FGGY: variants seen among roughly 807,000 people sequenced by gnomAD.
FGGY encodes the protein FGGY carbohydrate kinase domain containing.
FGGY carries 72 observed loss-of-function variants against 71.3 expected under a neutral mutation model. The ratio of observed to expected loss-of-function variants is 1.01; its 90% CI spans 0.84 to 1.23. FGGY has a LOEUF of 1.23. Ranked by LOEUF, FGGY falls within the 50% of genes most tolerant of loss-of-function variation. The pLI is 0.00. For synonymous variants in FGGY, 251 were observed against 250.3 expected (o/e 1.00, Z -0.02); for missense variants, 668 against 682.3 (o/e 0.98, Z 0.23).
intron 5 of FGGY, among the ~76,000 whole-genome samples, chr1:59,440,480 A>G (rs1230333878): frequency 2.0e-5 from 3 of 152,016 alleles, no homozygotes; most frequent in Non-Finnish European, 2.9e-5. Context: ...TTGCAAAGGT[A>G]GAGCTTCAGT....
At chr1:59,679,113 G>A (rs536334285) in intron 14 of FGGY, among the ~76,000 whole-genome samples, 6 of 152,296 alleles carry the variant, frequency 3.9e-5, no homozygotes, top group South Asian at 2.1e-4. Context: ...CATGCTGACC[G>A]CAGTGGTCTA....
intron 7 of FGGY, among the ~76,000 whole-genome samples, chr1:59,530,568 A>G (rs2095114800): frequency 6.6e-6 from 1 of 152,210 alleles, no homozygotes; most frequent in South Asian, 2.1e-4. Flanking sequence ...GCAAGTTAGT[A>G]AAATTCCCTC....
intron 14 of FGGY, among the ~76,000 whole-genome samples, chr1:59,699,755 T>A (rs190801909): frequency 1.3e-5 from 2 of 152,236 alleles, no homozygotes; most frequent in Non-Finnish European, 2.9e-5. Flanking sequence ...TCGTTCTTAT[T>A]TGCAACAGTT....
chr1:59,392,436 C>A (rs1323213737), intron 5 of FGGY, among the ~76,000 whole-genome samples: 2 of 152,070 alleles, frequency 1.3e-5, no homozygotes, highest in African/African-American at 2.4e-5. Context: ...TAACTTGGGG[C>A]CCCTGGCACC....
intron 5 of FGGY, among the ~76,000 whole-genome samples, chr1:59,406,255 C>G (rs916283403): frequency 1.3e-5 from 2 of 151,582 alleles, no homozygotes; most frequent in Non-Finnish European, 2.9e-5. Flanking sequence ...CTGAGTCTCT[C>G]GTCATGCGTG....
At chr1:59,445,039 A>G (rs867971764) in intron 5 of FGGY, among the ~76,000 whole-genome samples, 1 of 152,138 alleles carries the variant, frequency 6.6e-6, no homozygotes, top group Non-Finnish European at 1.5e-5. Flanking sequence ...TGAGCTCTTC[A>G]TGGATTTTTC....
At chr1:59,576,591 T>C (rs2096079214) in intron 8 of FGGY, among the ~76,000 whole-genome samples, 1 of 152,036 alleles carries the variant, frequency 6.6e-6, no homozygotes. Flanking sequence ...TCTCATCTTA[T>C]TTCTAATCTT....
chr1:59,347,965 T>C (rs1323566891), intron 4 of FGGY, among the ~76,000 whole-genome samples: 2 of 152,118 alleles, frequency 1.3e-5, no homozygotes, highest in African/African-American at 4.8e-5. Context: ...TGGGATCTCA[T>C]TAAACTAAAG....
intron 5 of FGGY, among the ~76,000 whole-genome samples, chr1:59,389,008 C>T (rs570437017): frequency 7.2e-5 from 11 of 152,132 alleles, no homozygotes; most frequent in South Asian, 4.2e-4. Flanking sequence ...AGTGCAGTGT[C>T]GTAATTTTGG....
At chr1:59,653,298 G>C (rs1357213000) in intron 11 of FGGY, among the ~76,000 whole-genome samples, 2 of 152,346 alleles carry the variant, frequency 1.3e-5, no homozygotes, top group East Asian at 1.9e-4. Flanking sequence ...GAGCTTTTGG[G>C]CTGCTTTGTT....
intron 8 of FGGY, among the ~76,000 whole-genome samples, chr1:59,557,205 G>T (rs1416512534): frequency 6.6e-6 from 1 of 152,124 alleles, no homozygotes; most frequent in South Asian, 2.1e-4. Context: ...AACCGCCACT[G>T]TGAGGAAAAA....
At chr1:59,473,575 A>G (rs2093102945) in intron 6 of FGGY, among the ~76,000 whole-genome samples, 1 of 152,214 alleles carries the variant, frequency 6.6e-6, no homozygotes, top group South Asian at 2.1e-4. Flanking sequence ...GGAAGAGTGC[A>G]GAGTGTGTGT....
At chr1:59,385,562 T>C (rs2059979895) in intron 5 of FGGY, among the ~76,000 whole-genome samples, 1 of 152,188 alleles carries the variant, frequency 6.6e-6, no homozygotes. Context: ...CTGTCTACAA[T>C]TTTGATGACA....
At chr1:59,730,971 C>G (rs2098020028) in intron 14 of FGGY, among the ~76,000 whole-genome samples, 1 of 152,192 alleles carries the variant, frequency 6.6e-6, no homozygotes, top group Non-Finnish European at 1.5e-5. Context: ...GGTCAGGAAA[C>G]TGAGCCTCAG....
At chr1:59,622,392 T>G (rs1040268315) in intron 9 of FGGY, among the ~76,000 whole-genome samples, 7 of 152,164 alleles carry the variant, frequency 4.6e-5, no homozygotes, top group Non-Finnish European at 5.9e-5. Context: ...GACATTGTGA[T>G]TGATATATTC....
chr1:59,522,552 T>A (rs758073253), intron 7 of FGGY, among the ~76,000 whole-genome samples: 15 of 152,016 alleles, frequency 9.9e-5, no homozygotes, highest in Non-Finnish European at 5.9e-5. Context: ...GCTATTGGGG[T>A]TGTGTGGTGG....
intron 8 of FGGY, among the ~76,000 whole-genome samples, chr1:59,589,223 T>A (rs551588453): frequency 1.4e-5 from 2 of 147,844 alleles, no homozygotes; most frequent in African/African-American, 5.0e-5. Flanking sequence ...AGGGATCAAT[T>A]CAACAAGAGC....
At chr1:59,399,530 CCTACT>C (rs2061694213) in intron 5 of FGGY, among the ~76,000 whole-genome samples, 1 of 152,116 alleles carries the variant, frequency 6.6e-6, no homozygotes, top group Admixed American at 6.6e-5. Flanking sequence ...TTTTTGGTTA[CCTACT>C]TAGGTTCCCC....
intron 12 of FGGY, among the ~76,000 whole-genome samples, chr1:59,662,047 G>A (rs533435667): frequency 3.4e-5 from 5 of 145,072 alleles, no homozygotes; most frequent in Admixed American, 6.7e-5. Context: ...TAGGCCAGGC[G>A]CGGTGACTCA....
Sources: allele counts gnomAD v4.1 joint callset (sites outside exome capture counted in the v4.1 genomes callset), GRCh38; gene constraint gnomAD v4.1.1; transcripts MANE v1.5; gene names NCBI Gene and HGNC (gene_info 2026-07-23, HGNC 2026-07-21).